The following DNAH3 variants were observed in gnomAD, a reference collection of about 807,000 sequenced individuals.
DNAH3 encodes the protein axonemal beta dynein heavy chain 3.
Under a neutral mutation model 432.5 loss-of-function variants are expected in DNAH3, and 332 were observed. The observed-to-expected ratio is 0.77, with a 90% CI of 0.70 to 0.84. The LOEUF (loss-of-function observed/expected upper bound fraction) is 0.84. Ranked by LOEUF, DNAH3 falls within the 40% of genes least tolerant of loss-of-function variation. The pLI is 0.00. For synonymous variants in DNAH3, 1,956 were observed against 1,900.2 expected (o/e 1.03, Z -0.76); for missense variants, 4,861 against 5,114.0 (o/e 0.95, Z 1.51).
intron 9 of DNAH3, among the ~76,000 whole-genome samples, chr16:21,124,735 C>T (rs1224417719): frequency 1.3e-5 from 2 of 151,978 alleles, no homozygotes; most frequent in Admixed American, 6.6e-5. Context: ...CTGCAACTTC[C>T]GCCGCCTGGG....
chr16:20,943,216 G>A lies in DNAH3; in HGVS notation c.11511+1280C>T, dbSNP rs1041209771. The stretch of plus-strand genomic sequence containing the variant: ...CCACCTCAGCTTCCTGAGTAGCTGG[G>A]ATTACAGGTGCACGCCACTGAGCTC... On this transcript the variant is annotated intron_variant, in intron 58 of 61. Transcript: ENST00000261383. Among the ~76,000 whole-genome samples the A allele has an allele frequency of 5.9e-5, 9 of 151,742 alleles. No homozygotes were observed. The South Asian group carries it at 1.7e-3, about 28-fold the overall frequency.
At chr16:20,947,172 A>G (rs572883371) in intron 57 of DNAH3, among the ~76,000 whole-genome samples, 1 of 151,894 alleles carries the variant, frequency 6.6e-6, no homozygotes, top group East Asian at 1.9e-4. Context: ...GTGCTGCCCT[A>G]TACTCTGGGG....
intron 60 of DNAH3, among the ~76,000 whole-genome samples, chr16:20,935,688 C>T (rs566172641): frequency 2.0e-5 from 3 of 152,090 alleles, no homozygotes; most frequent in South Asian, 2.1e-4. Context: ...CTAGGTACTA[C>T]AAAAATTAGC....
At chr16:21,150,447 C>G (rs1227425247) in intron 1 of DNAH3, 1 of 386,762 alleles carries the variant, frequency 2.6e-6, no homozygotes, top group Non-Finnish European at 5.0e-6. Flanking sequence ...GGGATGACAC[C>G]AACAATGGAA....
At chr16:20,952,660 C>T (rs1392479077) in intron 55 of DNAH3, 111 bp from the exon 56 acceptor site, 8 of 717,394 alleles carry the variant, frequency 1.1e-5, no homozygotes, top group African/African-American at 3.5e-5. Flanking sequence ...CTCTTTCAGG[C>T]TCATGAATAT....
intron 37 of DNAH3, among the ~76,000 whole-genome samples, chr16:21,029,129 A>G (rs1189795065): frequency 6.6e-6 from 1 of 152,240 alleles, no homozygotes; most frequent in Non-Finnish European, 1.5e-5. Context: ...TGATACTTCT[A>G]ATCTCAAGAC....
At chr16:21,115,186 G>A (rs2092159616) in intron 12 of DNAH3, among the ~76,000 whole-genome samples, 1 of 151,916 alleles carries the variant, frequency 6.6e-6, no homozygotes, top group Non-Finnish European at 1.5e-5. Flanking sequence ...GATGGGAATT[G>A]AACAATGAGA....
At chr16:20,961,645 T>A (rs945836110) in intron 53 of DNAH3, among the ~76,000 whole-genome samples, 1 of 151,284 alleles carries the variant, frequency 6.6e-6, no homozygotes, top group Non-Finnish European at 1.5e-5. Context: ...TGTGCAGACA[T>A]AGGGAGAAGA....
chr16:20,970,697 G>A (rs2085298674), intron 51 of DNAH3, among the ~76,000 whole-genome samples: 1 of 152,132 alleles, frequency 6.6e-6, no homozygotes, highest in African/African-American at 2.4e-5. Flanking sequence ...TCAGATCACA[G>A]TAATTTTGGT....
chr16:20,987,340 T>TTTCCTTCACCATG lies in DNAH3; in HGVS notation c.6978_6990dup (p.Thr2331HisfsTer30). ...GTCTGCTTGAAGCAATTGGAGGTGG[T>TTTCCTTCACCATG]TTCCTTCACCATGTTGAAAAAGACC... On this transcript the variant is annotated frameshift_variant, in exon 47 of 62. Transcript: ENST00000261383. LOFTEE classifies it high-confidence loss of function. The TTTCCTTCACCATG allele has an allele frequency of 6.2e-7, 1 of 1,614,180 alleles. No individual in the cohort carries two copies. Among genetic ancestry groups the TTTCCTTCACCATG allele is most frequent in the Non-Finnish European group, 8.5e-7 (1 of 1,180,034 alleles).
rs531104792 is a variant in DNAH3 at position 21,136,088 on chromosome 16, C to T, written c.886+236G>A. The stretch of plus-strand genomic sequence containing the variant: ...ATGTTTTGGGTATTTCCAGTGGAAT[C>T]AGGGTGGCAAATGACAAAGTGAGAA... On this transcript the variant is annotated intron_variant, in intron 6 of 61. Transcript: ENST00000261383. Among the ~76,000 whole-genome samples, 7 of 152,070 alleles carry T rather than the reference C, an allele frequency of 4.6e-5. No individual in the cohort carries two copies. The East Asian group carries it at 1.4e-3, about 29-fold the overall frequency.
chr16:20,961,757 G>A (rs935163090), intron 53 of DNAH3, among the ~76,000 whole-genome samples: 2 of 123,380 alleles, frequency 1.6e-5, no homozygotes, highest in Non-Finnish European at 3.4e-5. Flanking sequence ...TAAATTTCTG[G>A]TTTTTTTTTT....
intron 1 of DNAH3, among the ~76,000 whole-genome samples, chr16:21,151,735 A>C (rs1477313161): frequency 1.3e-5 from 2 of 152,150 alleles, no homozygotes; most frequent in East Asian, 3.8e-4. Context: ...TAAACACAGA[A>C]ATACATGTGC....
At position 21,081,106 on chromosome 16, in the gene DNAH3, C is replaced by T. The variant is rs140246047; in HGVS notation, c.2969+530G>A. Among the ~76,000 whole-genome samples the T allele has an allele frequency of 5.5e-3, 840 of 151,838 alleles. 8 individuals are homozygous for T. The highest frequency in any genetic ancestry group is 0.019 in the African/African-American group (775 of 41,416). On this transcript the variant is annotated intron_variant, in intron 20 of 61. Transcript: ENST00000261383. ...CTAGCTTTTGTATTTTTAGTAGAAACGGGGGTTTCACTATGTTGGCCAGGC... is the reference window on the plus strand; with the variant it reads ...CTAGCTTTTGTATTTTTAGTAGAAATGGGGGTTTCACTATGTTGGCCAGGC...
chr16:20,998,698 C>T (rs2086872468), intron 43 of DNAH3, among the ~76,000 whole-genome samples: 1 of 143,778 alleles, frequency 7.0e-6, no homozygotes, highest in Non-Finnish European at 1.5e-5. Context: ...TTCGAGATCG[C>T]ACCACTGCAC....
intron 12 of DNAH3, among the ~76,000 whole-genome samples, chr16:21,114,996 T>C (rs1205136114): frequency 1.3e-5 from 2 of 152,194 alleles, no homozygotes; most frequent in Admixed American, 6.5e-5. Flanking sequence ...CAAACCCAAA[T>C]GTCCATCAAT....
intron 14 of DNAH3, among the ~76,000 whole-genome samples, chr16:21,107,239 C>CTTT (rs5816146): frequency 0.02 from 1,814 of 91,276 alleles, 101 homozygotes; most frequent in African/African-American, 0.059. Flanking sequence ...AATTTTTAAT[C>CTTT]TTTTTTTTTT....
intron 7 of DNAH3, among the ~76,000 whole-genome samples, chr16:21,129,568 A>C (rs2092513784): frequency 1.5e-5 from 1 of 67,016 alleles, no homozygotes; most frequent in Non-Finnish European, 2.7e-5. Flanking sequence ...CTATCTCTAC[A>C]AAAAAAAAAA....
At chr16:20,957,489 C>T (rs987524493) in intron 54 of DNAH3, among the ~76,000 whole-genome samples, 1 of 151,976 alleles carries the variant, frequency 6.6e-6, no homozygotes, top group African/African-American at 2.4e-5. Flanking sequence ...GGCTATCGGG[C>T]CATAGGTTGC....
Sources: gnomAD v4.1 joint callset for allele counts (sites outside exome capture counted in the v4.1 genomes callset) on GRCh38, gnomAD v4.1.1 for gene constraint, MANE v1.5 for transcripts, NCBI Gene and HGNC (gene_info 2026-07-23, HGNC 2026-07-21) for gene names.